TMEM178A: variants seen among roughly 807,000 people sequenced by gnomAD.
TMEM178A encodes the protein transmembrane protein 178.
A neutral mutation model predicts 29.1 loss-of-function variants in TMEM178A; 12 were observed. The observed-to-expected ratio is 0.41, with a 90% confidence interval of 0.26 to 0.67. The LOEUF is 0.67. Among genes scored for constraint, TMEM178A ranks in the 30% least tolerant of loss-of-function variants. TMEM178A has a pLI of 0.29. For synonymous variants in TMEM178A, 210 were observed against 187.2 expected (o/e 1.12, Z -0.99); for missense variants, 366 against 419.1 (o/e 0.87, Z 1.11).
At chr2:39,687,643 A>G (rs548376618) in intron 1 of TMEM178A, among the ~76,000 whole-genome samples, 1 of 152,338 alleles carries the variant, frequency 6.6e-6, no homozygotes, top group South Asian at 2.1e-4. Context: ...TTTTCTATGC[A>G]GAGCTTGATA....
chr2:39,697,933 A>G (rs925695486), intron 1 of TMEM178A: 5 of 152,220 alleles, frequency 3.3e-5, no homozygotes, highest in Admixed American at 3.3e-4. Flanking sequence ...GTCTGAGAAA[A>G]TAGTTTCTCC....
chr2:39,680,381 G>T (rs1203237821), intron 1 of TMEM178A, among the ~76,000 whole-genome samples: 1 of 152,156 alleles, frequency 6.6e-6, no homozygotes, highest in African/African-American at 2.4e-5. Context: ...CACTCACAGA[G>T]CTTTTCTTTG....
At chr2:39,707,387 T>C (rs115345616) in intron 3 of TMEM178A, among the ~76,000 whole-genome samples, 313 of 152,336 alleles carry the variant, frequency 2.1e-3, no homozygotes, top group Middle Eastern at 6.8e-3. Flanking sequence ...TATATCCCCA[T>C]TGTGGCCTGT....
At chr2:39,707,257 C>T (rs770114012) in intron 3 of TMEM178A, 71 bp downstream of exon 3, 5 of 1,485,214 alleles carry the variant, frequency 3.4e-6, no homozygotes, top group South Asian at 1.4e-5. Flanking sequence ...TAGCTAGTGT[C>T]GCTTTGTTAT....
intron 1 of TMEM178A, among the ~76,000 whole-genome samples, chr2:39,688,566 T>C (rs1465483074): frequency 6.6e-6 from 1 of 152,270 alleles, no homozygotes; most frequent in East Asian, 1.9e-4. Flanking sequence ...TTGTACACTT[T>C]ATTGCCCTTT....
At chr2:39,696,060 G>C (rs549841416) in intron 1 of TMEM178A, among the ~76,000 whole-genome samples, 1 of 152,212 alleles carries the variant, frequency 6.6e-6, no homozygotes, top group South Asian at 2.1e-4. Flanking sequence ...AATCTTAAAG[G>C]TTTTCATATT....
intron 3 of TMEM178A, among the ~76,000 whole-genome samples, chr2:39,716,154 C>A (rs1371832678): frequency 1.3e-5 from 2 of 152,192 alleles, no homozygotes; most frequent in African/African-American, 4.8e-5. Context: ...GTTTTTATTA[C>A]TCACCACACT....
In TMEM178A at chr2:39,666,292, C is replaced by A. The variant is rs1344198727; in HGVS notation, c.318C>A (p.Pro106=). Residue 106 remains proline, a synonymous_variant, in exon 1 of 4, where the codon CCC becomes CCA. Transcript: ENST00000281961. ...LGGLDAECGR[P]LFATYSGLWR... ...GGCTGGACGCCGAGTGCGGCCGGCC[C>A]CTCTTCGCCACCTACTCGGGCCTCT... 10 of 1,422,858 alleles carry A rather than the reference C, an allele frequency of 7.0e-6. No individual in the cohort carries two copies. Among genetic ancestry groups the A allele is most frequent in the Non-Finnish European group, 9.2e-6 (10 of 1,087,614 alleles). 88.1% of individuals were successfully genotyped at this position (1,422,858 alleles called of 1,614,324 possible). A position where few individuals can be genotyped will look rare whatever the true frequency, so the allele number is the denominator to read the frequency against.
chr2:39,703,391 G>A (rs185951240), intron 1 of TMEM178A, among the ~76,000 whole-genome samples: 1 of 152,280 alleles, frequency 6.6e-6, no homozygotes, highest in East Asian at 1.9e-4. Context: ...GAGGTGGAGA[G>A]TGTACTAGAT....
At chr2:39,667,530 T>A (rs1299317067) in intron 1 of TMEM178A, among the ~76,000 whole-genome samples, 2 of 152,212 alleles carry the variant, frequency 1.3e-5, no homozygotes, top group Admixed American at 1.3e-4. Context: ...ATTTTAATAT[T>A]TAGTAGCCAT....
At chr2:39,710,747 C>T (rs556906486) in intron 3 of TMEM178A, among the ~76,000 whole-genome samples, 1 of 152,322 alleles carries the variant, frequency 6.6e-6, no homozygotes, top group South Asian at 2.1e-4. Context: ...TCTTTAGCCA[C>T]TCAAGTCAGC....
chr2:39,726,664 A>G, the TMEM178A span, among the ~76,000 whole-genome samples: 2 of 152,320 alleles, frequency 1.3e-5, no homozygotes, highest in African/African-American at 2.4e-5. Context: ...GTTTAGGTCT[A>G]TCTGGCAAAA....
chr2:39,692,554 C>G (rs899852671), intron 1 of TMEM178A, among the ~76,000 whole-genome samples: 1 of 151,130 alleles, frequency 6.6e-6, no homozygotes, highest in African/African-American at 2.4e-5. Context: ...CTTTTTTTTT[C>G]TCCTAAATGT....
chr2:39,721,726 G>T (rs1672709882), downstream of TMEM178A, among the ~76,000 whole-genome samples: 1 of 152,110 alleles, frequency 6.6e-6, no homozygotes, highest in Non-Finnish European at 1.5e-5. Context: ...AGGTGTGGTG[G>T]ATCACACCTG....
intron 1 of TMEM178A, among the ~76,000 whole-genome samples, chr2:39,692,259 T>C (rs1346570522): frequency 2.0e-5 from 3 of 152,108 alleles, no homozygotes; most frequent in Admixed American, 2.0e-4. Context: ...TACAGCATGG[T>C]GGATAGATAA....
rs1670134684 is a variant in TMEM178A at position 39,666,046 on chromosome 2, G to T, written c.72G>T (p.Thr24=). 2 of 1,561,958 alleles carry T rather than the reference G, an allele frequency of 1.3e-6. No homozygotes were observed. The highest frequency in any genetic ancestry group is 2.6e-5 in the East Asian group (1 of 38,212). Reference sequence around the variant, plus strand: ...TGTGCTCCCTGGGGCTGCTCGTCACGGCCATCTTCACCGACCACTGGTACG... The same window carrying T: ...TGTGCTCCCTGGGGCTGCTCGTCACTGCCATCTTCACCGACCACTGGTACG... ...LSLCSLGLLV[T]AIFTDHWYET... The change falls in exon 1 of 4, where the codon ACG becomes ACT. Residue 24 remains threonine, a synonymous_variant. Transcript: ENST00000281961.
chr2:39,665,639 A>C, upstream of TMEM178A: 1 of 209,042 alleles, frequency 4.8e-6, no homozygotes, highest in Non-Finnish European at 8.9e-6. Flanking sequence ...TGTGGATCGG[A>C]GGTAGGGAGA....
the TMEM178A span, among the ~76,000 whole-genome samples, chr2:39,733,765 T>TA: frequency 6.6e-6 from 1 of 152,208 alleles, no homozygotes; most frequent in African/African-American, 2.4e-5. Context: ...TTTTAGTGCA[T>TA]AAATTTGAGA....
the TMEM178A span, among the ~76,000 whole-genome samples, chr2:39,731,523 A>G: frequency 6.6e-6 from 1 of 152,208 alleles, no homozygotes; most frequent in African/African-American, 2.4e-5. Context: ...ACAACAGCCA[A>G]TCACTGGTAA....
Sources: gnomAD v4.1 joint callset for allele counts (sites outside exome capture counted in the v4.1 genomes callset) on GRCh38, gnomAD v4.1.1 for gene constraint, MANE v1.5 for transcripts, NCBI Gene and HGNC (gene_info 2026-07-23, HGNC 2026-07-21) for gene names.